The following ZNF700 variants were observed in gnomAD, a reference collection of about 807,000 sequenced individuals.
ZNF700 encodes the protein zinc finger protein 700.
In ZNF700, 38 loss-of-function variants were observed where a neutral mutation model predicts 65.3. The ratio of observed to expected loss-of-function variants is 0.58; its 90% CI spans 0.45 to 0.76. ZNF700 has a LOEUF of 0.76. Ranked by LOEUF, ZNF700 falls within the 30% of genes least tolerant of loss-of-function variation. ZNF700 has a pLI of 0.00. For synonymous variants in ZNF700, 285 were observed against 290.4 expected (o/e 0.98, Z 0.19); for missense variants, 857 against 888.4 (o/e 0.96, Z 0.45).
chr19:11,933,458 C>T (rs1252180427), intron 1 of ZNF700, among the ~76,000 whole-genome samples: 1 of 147,890 alleles, frequency 6.8e-6, no homozygotes, highest in Non-Finnish European at 1.5e-5. Flanking sequence ...TATCCACCAT[C>T]ACAGTCTTAT....
chr19:11,929,278 C>T, intron 1 of ZNF700, among the ~76,000 whole-genome samples: 1 of 148,324 alleles, frequency 6.7e-6, no homozygotes, highest in East Asian at 1.9e-4. Flanking sequence ...ATTCTCCTGC[C>T]TCAGCCTCCC....
intron 1 of ZNF700, chr19:11,946,938 A>G (rs149314821): frequency 7.2e-6 from 5 of 696,500 alleles, no homozygotes; most frequent in African/African-American, 5.7e-5. Flanking sequence ...TGGTGAGCCA[A>G]TATCACGCCA....
chr19:11,939,647 G>C (rs1452296151), intron 1 of ZNF700, among the ~76,000 whole-genome samples: 1 of 152,150 alleles, frequency 6.6e-6, no homozygotes, highest in East Asian at 1.9e-4. Context: ...TTTTAGTAGA[G>C]ATGGAGTTCC....
chr19:11,948,134 C>G, intron 3 of ZNF700, 142 bp from the exon 4 acceptor site: 2 of 951,306 alleles, frequency 2.1e-6, no homozygotes, highest in Non-Finnish European at 1.6e-6. Flanking sequence ...TAGAACATGT[C>G]CAGTCACCTT....
intron 1 of ZNF700, among the ~76,000 whole-genome samples, chr19:11,945,710 TTCCTCC>T (rs986323452): frequency 6.6e-6 from 1 of 152,048 alleles, no homozygotes; most frequent in African/African-American, 2.4e-5. Flanking sequence ...AAAGTCTTCA[TTCCTCC>T]TCCTGGGGGA....
At chr19:11,942,132 G>A (rs1294974406) in intron 1 of ZNF700, among the ~76,000 whole-genome samples, 2 of 150,988 alleles carry the variant, frequency 1.3e-5, no homozygotes, top group African/African-American at 4.9e-5. Context: ...TGATTCCTGG[G>A]CATCATAATG....
At chr19:11,948,208 A>G (rs116990100) in intron 3 of ZNF700, 68 bp from the exon 4 acceptor site, 25,940 of 1,537,084 alleles carry the variant, frequency 0.017, 267 homozygotes, top group South Asian at 0.024. Context: ...TGCAAGTGCA[A>G]TACTTGTTGA....
chr19:11,938,556 A>G (rs1972832782), intron 1 of ZNF700, among the ~76,000 whole-genome samples: 1 of 152,176 alleles, frequency 6.6e-6, no homozygotes, highest in African/African-American at 2.4e-5. Flanking sequence ...CCTACAAAGG[A>G]CATGAACTCA....
chr19:11,944,400 A>G (rs1972929020), intron 1 of ZNF700, among the ~76,000 whole-genome samples: 1 of 152,120 alleles, frequency 6.6e-6, no homozygotes, highest in African/African-American at 2.4e-5. Context: ...TTGATAGTCC[A>G]ATTCATCCAC....
chr19:11,939,186 T>C (rs8104051), intron 1 of ZNF700, among the ~76,000 whole-genome samples: 11,275 of 151,992 alleles, frequency 0.074, 722 homozygotes, highest in African/African-American at 0.17. Flanking sequence ...TGCCTGTTCA[T>C]TCTGATGGTA....
At chr19:11,928,450 G>GTAGTCTTACTACAGAGATCAGTA (rs1211471159) in intron 1 of ZNF700, among the ~76,000 whole-genome samples, 1 of 151,992 alleles carries the variant, frequency 6.6e-6, no homozygotes, top group African/African-American at 2.4e-5. Context: ...AGTAGTCTCT[G>GTAGTCTTACTACAGAGATCAGTA]GGCCGGGCGC....
chr19:11,947,694 T>C (rs768082378), intron 3 of ZNF700, 120 bp downstream of exon 3: 143 of 1,043,396 alleles, frequency 1.4e-4, no homozygotes, highest in Non-Finnish European at 2.0e-4. Context: ...CTTCTTAGAA[T>C]ATTTTCTCAA....
rs1228640155 is a variant in ZNF700 at position 11,949,157 on chromosome 19, A to G, written c.1133A>G (p.Gln378Arg). ...GGCTTTTATTCTGCCAAGTCATTTC[A>G]AACACATGAAAAAACTCACACTGGA... Reference protein sequence around the residue: ...GKGFYSAKSFQTHEKTHTGEK... With the variant: ...GKGFYSAKSFRTHEKTHTGEK... The change falls in exon 4 of 4, where the codon CAA becomes CGA. Residue 378 changes from glutamine to arginine, a missense_variant. Physicochemically the swap from Gln to Arg is conservative, Grantham distance 43 (BLOSUM62 1). This residue lies in a region of ZNF700 where 603 missense variants were observed against 619.9 expected (regional missense o/e 0.97). Transcript: ENST00000254321. The G allele has an allele frequency of 6.2e-7, 1 of 1,612,316 alleles. No homozygotes were observed. The highest frequency in any genetic ancestry group is 1.3e-5 in the African/African-American group (1 of 74,606).
chr19:11,934,223 G>A (rs980803054), intron 1 of ZNF700, among the ~76,000 whole-genome samples: 1 of 147,848 alleles, frequency 6.8e-6, no homozygotes, highest in Non-Finnish European at 1.5e-5. Flanking sequence ...TCTAGTTTTT[G>A]GCAGTTATGA....
At chr19:11,939,068 G>A (rs1438052245) in intron 1 of ZNF700, among the ~76,000 whole-genome samples, 1 of 152,002 alleles carries the variant, frequency 6.6e-6, no homozygotes, top group Non-Finnish European at 1.5e-5. Flanking sequence ...CTTTTTGATG[G>A]GGTTGTTTGA....
chr19:11,938,138 G>A (rs910997413), intron 1 of ZNF700, among the ~76,000 whole-genome samples: 3 of 151,578 alleles, frequency 2.0e-5, no homozygotes, highest in Admixed American at 6.6e-5. Context: ...GCATGATCTT[G>A]GCTCACTGCA....
rs749256343 is a variant in ZNF700 at position 11,949,090 on chromosome 19, A to C, written c.1066A>C (p.Asn356His). 4.1e-5 allele frequency: 66 copies of C among 1,611,498 alleles called. No homozygotes were observed. The highest frequency in any genetic ancestry group is 5.9e-6 in the Non-Finnish European group (7 of 1,179,536). Residue 356 changes from asparagine to histidine, a missense_variant, in exon 4 of 4, where the codon AAC becomes CAC. Asn to His is a moderately conservative substitution (Grantham distance 68). Transcript: ENST00000254321. Reference sequence around the variant, plus strand: ...AAGTTTTCAAACACACATAAGAATGAACTCTGGAGAAAGACCTTATAAATG... The same window carrying C: ...AAGTTTTCAAACACACATAAGAATGCACTCTGGAGAAAGACCTTATAAATG... The part of the protein sequence containing the change: ...LISFQTHIRM[N>H]SGERPYKCKI...
intron 1 of ZNF700, among the ~76,000 whole-genome samples, chr19:11,941,740 C>T (rs918572619): frequency 6.6e-6 from 1 of 152,232 alleles, no homozygotes; most frequent in African/African-American, 2.4e-5. Context: ...GAAAGGGGCT[C>T]CCACAGTGCA....
At chr19:11,938,071 G>A (rs368192402) in intron 1 of ZNF700, among the ~76,000 whole-genome samples, 49 of 151,640 alleles carry the variant, frequency 3.2e-4, no homozygotes, top group African/African-American at 1.1e-3. Flanking sequence ...CATTCTTGTC[G>A]TTTTTTGTTC....
Sources: allele counts gnomAD v4.1 joint callset (sites outside exome capture counted in the v4.1 genomes callset), GRCh38; gene constraint gnomAD v4.1.1; regional missense constraint gnomAD v4.1.1; transcripts MANE v1.5; gene names NCBI Gene and HGNC (gene_info 2026-07-23, HGNC 2026-07-21).